CCSER2: variants seen among roughly 807,000 people sequenced by gnomAD.
CCSER2 encodes the protein serine-rich coiled-coil domain-containing protein 2.
CCSER2 carries 46 observed loss-of-function variants against 92.3 expected under a neutral mutation model. That is an observed-to-expected ratio of 0.50 (90% CI 0.39 to 0.64). The LOEUF is 0.64. Among genes scored for constraint, CCSER2 ranks in the 30% least tolerant of loss-of-function variants. The pLI, the probability that CCSER2 is intolerant of heterozygous loss-of-function variation, is 0.00. For synonymous variants in CCSER2, 433 were observed against 431.4 expected, an observed-to-expected ratio of 1.00 and a Z score of -0.04; for missense variants, 1,244 against 1,238.9, an observed-to-expected ratio of 1.00 and a Z score of -0.06.
At chr10:84,393,975 C>T (rs528412497) in intron 3 of CCSER2, 6 of 152,206 alleles carry the variant, frequency 3.9e-5, no homozygotes, top group Non-Finnish European at 7.4e-5. Flanking sequence ...AAAATTTGAA[C>T]GAATAGAAGG....
intron 6 of CCSER2, among the ~76,000 whole-genome samples, chr10:84,461,917 A>G (rs1017032893): frequency 2.6e-5 from 4 of 151,968 alleles, no homozygotes; most frequent in Non-Finnish European, 5.9e-5. Flanking sequence ...TTAAATCTTT[A>G]TTTTATTTTG....
At chr10:84,488,522 T>C (rs1187942749) in intron 9 of CCSER2, among the ~76,000 whole-genome samples, 9 of 152,342 alleles carry the variant, frequency 5.9e-5, no homozygotes, top group East Asian at 1.9e-4. Context: ...TCTAGTTTAT[T>C]TGCATAGAGG....
At chr10:84,419,559 A>G (rs971584120) in intron 4 of CCSER2, among the ~76,000 whole-genome samples, 2 of 152,104 alleles carry the variant, frequency 1.3e-5, no homozygotes, top group Admixed American at 6.6e-5. Flanking sequence ...TGCATGTATA[A>G]TTCTGTAAGG....
intron 9 of CCSER2, among the ~76,000 whole-genome samples, chr10:84,493,102 T>C (rs1433580697): frequency 6.6e-6 from 1 of 152,176 alleles, no homozygotes; most frequent in Non-Finnish European, 1.5e-5. Flanking sequence ...GAGATTTCTT[T>C]TTTGGGAGTT....
At chr10:84,394,730 A>G (rs573582765) in intron 3 of CCSER2, among the ~76,000 whole-genome samples, 2 of 10,788 alleles carry the variant, frequency 1.9e-4, no homozygotes, top group East Asian at 0.083. Context: ...GATTTTTAAA[A>G]TAAGATATAA....
At chr10:84,436,903 T>C (rs943497976) in intron 5 of CCSER2, among the ~76,000 whole-genome samples, 8 of 152,200 alleles carry the variant, frequency 5.3e-5, no homozygotes, top group Admixed American at 4.6e-4. Context: ...TGTTAAAAGC[T>C]AGAAAATTTG....
chr10:84,366,231 A>AC lies in CCSER2; in HGVS notation c.-39-4782dup, dbSNP rs1845769626. 3.3e-5 allele frequency among the ~76,000 whole-genome samples: 5 copies of AC among 152,296 alleles called. No homozygotes were observed. In the South Asian group the frequency reaches 1.0e-3, roughly 32 times the overall value. The stretch of plus-strand genomic sequence containing the variant: ...ACTGTTGAGATTACAGGTGTGAGCC[A>AC]CTGTGCCCGGCCTCGGAATCCTTTT... On this transcript the variant is annotated intron_variant, in intron 1 of 9. Coordinates refer to ENST00000372088, the MANE Select transcript of CCSER2 (RefSeq NM_001284240.2).
At chr10:84,360,401 A>G (rs918312721) in intron 1 of CCSER2, among the ~76,000 whole-genome samples, 1 of 152,240 alleles carries the variant, frequency 6.6e-6, no homozygotes, top group African/African-American at 2.4e-5. Flanking sequence ...AGAGCAGGAT[A>G]CATGCTTATT....
chr10:84,372,084 T>G lies in CCSER2; in HGVS notation c.1032T>G (p.Ala344=), dbSNP rs768090857. The stretch of plus-strand genomic sequence containing the variant: ...TTGATGGAAATAAAAATTCACCTGC[T>G]GACACATGTGTAGAGGAAGATGCTA... ...MTVDGNKNSP[A]DTCVEEDATV... Residue 344 remains alanine (A), a synonymous_variant, in exon 2 of 10, where the codon GCT becomes GCG. Coordinates refer to ENST00000372088, the MANE Select transcript of CCSER2 (RefSeq NM_001284240.2). 1.2e-6 allele frequency: 2 copies of G among 1,613,842 alleles called. No individual in the cohort carries two copies.
intron 3 of CCSER2, among the ~76,000 whole-genome samples, chr10:84,382,755 T>A (rs1840983965): frequency 6.6e-6 from 1 of 152,202 alleles, no homozygotes; most frequent in Non-Finnish European, 1.5e-5. Flanking sequence ...TCACTGAAAG[T>A]ATCTGGCTTT....
Position 84,487,455 on chromosome 10 carries a change from T to C in CCSER2, c.2325+9791T>C, listed in dbSNP as rs186320093. On this transcript the variant is annotated intron_variant, in intron 9 of 9. Transcript: ENST00000372088. Reference sequence around the variant, plus strand: ...TTTGTAGTTCTCCTTGAAGAGGTCCTTCATGTCCCTTGTAAGTTGGATTCC... The same window carrying C: ...TTTGTAGTTCTCCTTGAAGAGGTCCCTCATGTCCCTTGTAAGTTGGATTCC... Among the ~76,000 whole-genome samples, 385 of 152,328 alleles carry C rather than the reference T, an allele frequency of 2.5e-3. 2 individuals are homozygous for C. Among genetic ancestry groups the C allele is most frequent in the African/African-American group, 8.5e-3 (353 of 41,572 alleles).
intron 8 of CCSER2, among the ~76,000 whole-genome samples, chr10:84,471,668 G>A (rs1050752501): frequency 2.0e-5 from 3 of 152,228 alleles, no homozygotes; most frequent in Middle Eastern, 3.4e-3. Flanking sequence ...AAATGAATGA[G>A]CGGTGAAATG....
chr10:84,437,154 G>C (rs61866482), intron 5 of CCSER2, among the ~76,000 whole-genome samples: 10,591 of 110,760 alleles, frequency 0.096, 448 homozygotes, highest in Admixed American at 0.17. Flanking sequence ...CACACACAGA[G>C]AGAGAGAGAG....
At chr10:84,460,125 T>C (rs1335321272) in intron 6 of CCSER2, among the ~76,000 whole-genome samples, 2 of 141,574 alleles carry the variant, frequency 1.4e-5, no homozygotes, top group Admixed American at 1.6e-4. Context: ...AGTCTCACTC[T>C]GTTGCCCAGG....
At chr10:84,339,717 T>C (rs1468433397) in intron 1 of CCSER2, among the ~76,000 whole-genome samples, 3 of 152,012 alleles carry the variant, frequency 2.0e-5, no homozygotes, top group African/African-American at 4.8e-5. Context: ...TCAGGTGATA[T>C]GCCCGCCTTG....
chr10:84,351,492 A>C (rs1265672072), intron 1 of CCSER2, among the ~76,000 whole-genome samples: 1 of 152,038 alleles, frequency 6.6e-6, no homozygotes, highest in African/African-American at 2.4e-5. Context: ...TTGGCCTCCC[A>C]AAATCCCAAA....
At chr10:84,415,735 C>T (rs890633962) in intron 3 of CCSER2, among the ~76,000 whole-genome samples, 2 of 152,200 alleles carry the variant, frequency 1.3e-5, no homozygotes, top group African/African-American at 4.8e-5. Context: ...TGTCTGGACT[C>T]TCCTGAGCCA....
At chr10:84,506,530 A>G (rs1849054746) in intron 9 of CCSER2, among the ~76,000 whole-genome samples, 1 of 151,980 alleles carries the variant, frequency 6.6e-6, no homozygotes, top group Non-Finnish European at 1.5e-5. Flanking sequence ...GTGGTGGCTC[A>G]CGCCTGTGAT....
At position 84,514,422 on chromosome 10, in the gene CCSER2, T is replaced by C; in HGVS notation, c.*155T>C. The C allele has an allele frequency of 1.6e-6, 1 of 606,520 alleles. No individual in the cohort carries two copies. The highest frequency in any genetic ancestry group is 2.8e-6 in the Non-Finnish European group (1 of 350,886). 37.6% of individuals were successfully genotyped at this position (606,520 alleles called of 1,614,324 possible). On this transcript the variant is annotated 3_prime_UTR_variant, in exon 10 of 10. Transcript: ENST00000372088. ...GGAAGCTTCTACTAGTTTGGCTCCT[T>C]CATTTTATATCCTGGTTGAAGTACA... is the stretch of plus-strand genomic sequence containing the variant.
Sources: gnomAD v4.1 joint callset for allele counts (sites outside exome capture counted in the v4.1 genomes callset) on GRCh38, gnomAD v4.1.1 for gene constraint, MANE v1.5 for transcripts, NCBI Gene and HGNC (gene_info 2026-07-23, HGNC 2026-07-21) for gene names.